The following EMB variants were observed in gnomAD, a reference collection of about 807,000 sequenced individuals.
EMB encodes the protein embigin homolog.
Under a neutral mutation model 41.4 loss-of-function variants are expected in EMB, and 31 were observed. The ratio of observed to expected loss-of-function variants is 0.75; its 90% CI spans 0.56 to 1.01. The LOEUF is 1.01. EMB is among the 50% of genes least tolerant of loss of function. EMB has a pLI of 0.00. For missense variants in EMB, 379 were observed against 388.3 expected, an observed-to-expected ratio of 0.98 and a Z score of 0.20; for synonymous variants, 137 against 140.4, an observed-to-expected ratio of 0.98 and a Z score of 0.17.
rs183406544 is a variant in EMB at position 50,434,718 on chromosome 5, G to C, written c.112+6322C>G. On this transcript the variant is annotated intron_variant, in intron 1 of 8. Coordinates refer to ENST00000303221, the MANE Select transcript of EMB (RefSeq NM_198449.3). ...AACCTCAATAACTTCAAAAATGCCA[G>C]GAAAATGCTATTTTCAAAGAAAAGA... 3.7e-4 allele frequency among the ~76,000 whole-genome samples: 57 copies of C among 152,202 alleles called. 1 individual carries two copies. Among genetic ancestry groups the C allele is most frequent in the Admixed American group, 3.2e-3 (49 of 15,282 alleles).
At chr5:50,401,985 T>C (rs1745169839) in intron 7 of EMB, among the ~76,000 whole-genome samples, 1 of 152,014 alleles carries the variant, frequency 6.6e-6, no homozygotes, top group Admixed American at 6.6e-5. Context: ...CCATAACCTA[T>C]GCTATGCATT....
At chr5:50,400,974 G>A (rs17800685) in intron 7 of EMB, among the ~76,000 whole-genome samples, 10,995 of 152,022 alleles carry the variant, frequency 0.072, 565 homozygotes, top group Middle Eastern at 0.15. Context: ...AGAGGAATCC[G>A]AGCAAGGTTC....
rs1288930734 is a variant in EMB at position 50,398,433 on chromosome 5, G to C, written c.*840C>G. ...CCAGCCATAGATACCAGGAAGCCAGGTGTTAAATCAAAGAACCAGGAAACC... is the reference window on the plus strand; with the variant it reads ...CCAGCCATAGATACCAGGAAGCCAGCTGTTAAATCAAAGAACCAGGAAACC... On this transcript the variant is annotated 3_prime_UTR_variant, in exon 9 of 9. Transcript: ENST00000303221. 1 of 151,902 alleles carries C rather than the reference G, an allele frequency of 6.6e-6. No homozygotes were observed. Among genetic ancestry groups the C allele is most frequent in the Admixed American group, 6.6e-5 (1 of 15,212 alleles). The allele number at this position is 151,902 out of a possible 1,614,324, so 9.4% of individuals were successfully genotyped here. A position where few individuals can be genotyped will look rare whatever the true frequency, so the allele number is the denominator to read the frequency against.
In EMB at chr5:50,399,126, C is replaced by A; in HGVS notation, c.*147G>T. Reference sequence around the variant, plus strand: ...ATATACCTTTAGATCTGACATATATCGTTGATGAAGCTCCTGCTGAGCATG... The same window carrying A: ...ATATACCTTTAGATCTGACATATATAGTTGATGAAGCTCCTGCTGAGCATG... On this transcript the variant is annotated 3_prime_UTR_variant, in exon 9 of 9. Transcript: ENST00000303221. 5 of 1,040,688 alleles carry A rather than the reference C, an allele frequency of 4.8e-6. No homozygotes were observed. The highest frequency in any genetic ancestry group is 2.1e-5 in the South Asian group (1 of 48,206). The allele number at this position is 1,040,688 out of a possible 1,614,324, so 64.5% of individuals were successfully genotyped here. A position where few individuals can be genotyped will look rare whatever the true frequency, so the allele number is the denominator to read the frequency against.
intron 6 of EMB, among the ~76,000 whole-genome samples, 153 bp from the exon 7 acceptor site, chr5:50,402,472 C>T (rs1385432588): frequency 6.6e-6 from 1 of 151,982 alleles, no homozygotes; most frequent in African/African-American, 2.4e-5. Flanking sequence ...AACACCTACA[C>T]CTCCTTTATC....
At chr5:50,425,187 C>T (rs1466684536) in intron 2 of EMB, among the ~76,000 whole-genome samples, 1 of 152,280 alleles carries the variant, frequency 6.6e-6, no homozygotes, top group Middle Eastern at 3.4e-3. Flanking sequence ...CTCTTGCTGG[C>T]CGAGATTTAG....
At chr5:50,422,813 A>C (rs1745546010) in intron 2 of EMB, among the ~76,000 whole-genome samples, 1 of 152,206 alleles carries the variant, frequency 6.6e-6, no homozygotes, top group Non-Finnish European at 1.5e-5. Context: ...TAATTCAAAA[A>C]ATAAAATATA....
At chr5:50,436,462 C>T (rs1745804572) in intron 1 of EMB, among the ~76,000 whole-genome samples, 1 of 152,224 alleles carries the variant, frequency 6.6e-6, no homozygotes, top group Non-Finnish European at 1.5e-5. Context: ...GCTACTGCCA[C>T]ACCTGTCCCC....
In EMB at chr5:50,422,507, G is replaced by C. The variant is rs755098615; in HGVS notation, c.196+5637C>G. On this transcript the variant is annotated intron_variant, in intron 2 of 8. Coordinates refer to ENST00000303221, the MANE Select transcript of EMB (RefSeq NM_198449.3). Reference sequence around the variant, plus strand: ...AATATGATTAGAGTGCTATTTCAAAGCTATCAGGAAAAGGAGAACTATTCA... The same window carrying C: ...AATATGATTAGAGTGCTATTTCAAACCTATCAGGAAAAGGAGAACTATTCA... Among the ~76,000 whole-genome samples, 5 of 152,180 alleles carry C rather than the reference G, an allele frequency of 3.3e-5. No homozygotes were observed. In the South Asian group the frequency reaches 1.0e-3, roughly 32 times the overall value.
chr5:50,421,254 CA>C (rs1352815487), intron 2 of EMB, among the ~76,000 whole-genome samples: 1 of 152,018 alleles, frequency 6.6e-6, no homozygotes, highest in Non-Finnish European at 1.5e-5. Flanking sequence ...AGACACTTCT[CA>C]AAAGAAGACA....
intron 1 of EMB, among the ~76,000 whole-genome samples, chr5:50,437,365 A>T (rs1224504556): frequency 6.6e-6 from 1 of 152,162 alleles, no homozygotes; most frequent in African/African-American, 2.4e-5. Flanking sequence ...TGATCATTTG[A>T]TCAAAGTGCT....
At chr5:50,431,541 T>C (rs186171778) in intron 1 of EMB, among the ~76,000 whole-genome samples, 6 of 152,254 alleles carry the variant, frequency 3.9e-5, no homozygotes, top group Non-Finnish European at 8.8e-5. Flanking sequence ...CACTGACTGT[T>C]ACTTAGGGTT....
chr5:50,432,786 C>G (rs1157589561), intron 1 of EMB, among the ~76,000 whole-genome samples: 1 of 141,494 alleles, frequency 7.1e-6, no homozygotes, highest in East Asian at 2.2e-4. Context: ...TCAAAAAATT[C>G]TAGTTATCAG....
chr5:50,443,169 CT>C (rs1745943838), upstream of EMB: 1 of 152,014 alleles, frequency 6.6e-6, no homozygotes, highest in African/African-American at 2.4e-5. Context: ...CCCTATATAA[CT>C]TTTTCTATCC....
intron 2 of EMB, among the ~76,000 whole-genome samples, chr5:50,413,087 T>C (rs947207724): frequency 6.6e-6 from 1 of 151,918 alleles, no homozygotes; most frequent in Non-Finnish European, 1.5e-5. Context: ...CACACACACT[T>C]AGGGAAAACA....
chr5:50,436,825 A>T (rs1209136246), intron 1 of EMB, among the ~76,000 whole-genome samples: 1 of 152,198 alleles, frequency 6.6e-6, no homozygotes, highest in Non-Finnish European at 1.5e-5. Flanking sequence ...CTATGGAGGG[A>T]AAGATGAGAG....
chr5:50,412,680 T>A (rs1333993994), intron 2 of EMB, among the ~76,000 whole-genome samples: 2 of 152,168 alleles, frequency 1.3e-5, no homozygotes, highest in Non-Finnish European at 2.9e-5. Context: ...CCATATGTTA[T>A]TAAATACGCT....
chr5:50,441,154 C>G lies in EMB; in HGVS notation c.-3G>C. ...AGCAGGCCGGGGAGGGCGCGCATGG[C>G]GCCAGAGGGTCCGCCTGGGTCCTCG... On this transcript the variant is annotated 5_prime_UTR_variant, in exon 1 of 9. Coordinates refer to ENST00000303221, the MANE Select transcript of EMB (RefSeq NM_198449.3). The G allele has an allele frequency of 6.7e-7, 1 of 1,488,852 alleles. No individual in the cohort carries two copies. Among genetic ancestry groups the G allele is most frequent in the Non-Finnish European group, 8.9e-7 (1 of 1,121,244 alleles). The allele number at this position is 1,488,852 out of a possible 1,614,324, so 92.2% of individuals were successfully genotyped here. A position where few individuals can be genotyped will look rare whatever the true frequency, so the allele number is the denominator to read the frequency against.
chr5:50,416,407 A>G (rs1334440465), intron 2 of EMB, among the ~76,000 whole-genome samples: 1 of 152,188 alleles, frequency 6.6e-6, no homozygotes, highest in Non-Finnish European at 1.5e-5. Context: ...CCTTTCAACA[A>G]TTTGCAGTCT....
Sources: allele counts gnomAD v4.1 joint callset (sites outside exome capture counted in the v4.1 genomes callset), GRCh38; gene constraint gnomAD v4.1.1; transcripts MANE v1.5; gene names NCBI Gene and HGNC (gene_info 2026-07-23, HGNC 2026-07-21).